FAM110B: variants seen among roughly 807,000 people sequenced by gnomAD.
FAM110B encodes the protein family with sequence similarity 110 member B.
In FAM110B, 6 loss-of-function variants were observed where a neutral mutation model predicts 20.4. The ratio of observed to expected loss-of-function variants is 0.29; its 90% CI spans 0.16 to 0.58. The LOEUF is 0.58. FAM110B is among the 20% of genes least tolerant of loss of function. The probability of loss-of-function intolerance (pLI) is 0.90; values close to 1 mark genes in which losing one functional copy is unlikely to be tolerated. For missense variants in FAM110B, 434 were observed against 498.2 expected, an observed-to-expected ratio of 0.87 and a Z score of 1.23; for synonymous variants, 226 against 214.1, an observed-to-expected ratio of 1.06 and a Z score of -0.49.
chr8:58,062,613 A>G (rs1805679973), intron 2 of FAM110B, among the ~76,000 whole-genome samples: 1 of 152,236 alleles, frequency 6.6e-6, no homozygotes, highest in African/African-American at 2.4e-5. Flanking sequence ...TAGCCAGGAT[A>G]GGCAGACACA....
chr8:58,090,731 A>G (rs1585877541), intron 3 of FAM110B, among the ~76,000 whole-genome samples: 2 of 152,330 alleles, frequency 1.3e-5, no homozygotes, highest in African/African-American at 2.4e-5. Flanking sequence ...TACCCTTCAG[A>G]TAATTCCTTT....
chr8:58,060,847 C>A (rs373806965), intron 2 of FAM110B, among the ~76,000 whole-genome samples: 4 of 152,146 alleles, frequency 2.6e-5, no homozygotes, highest in Non-Finnish European at 5.9e-5. Context: ...CACCTAGGGC[C>A]TCTCAAGCAT....
chr8:58,035,523 A>T (rs1444425068), intron 2 of FAM110B, among the ~76,000 whole-genome samples: 3 of 152,226 alleles, frequency 2.0e-5, no homozygotes. Context: ...TGCATAATTC[A>T]CTGTAAGTCA....
intron 1 of FAM110B, among the ~76,000 whole-genome samples, chr8:58,006,328 G>C (rs1416090082): frequency 1.3e-5 from 2 of 152,176 alleles, no homozygotes; most frequent in African/African-American, 4.8e-5. Flanking sequence ...CTCTTCATCT[G>C]TTCCTCTTTG....
In FAM110B at chr8:58,070,765, TA is replaced by T. The variant is rs200457858; in HGVS notation, c.-413-4769del. On this transcript the variant is annotated intron_variant, in intron 2 of 3. Transcript: ENST00000519262. ...GAATAATGAGCGATCAGGAAGAATTTAGTGAAACACACTCTAATTAGGACAG... is the reference window on the plus strand; with the variant it reads ...GAATAATGAGCGATCAGGAAGAATTTGTGAAACACACTCTAATTAGGACAG... 4.7e-3 allele frequency among the ~76,000 whole-genome samples: 723 copies of T among 152,332 alleles called. 3 individuals are homozygous for T. Among genetic ancestry groups the T allele is most frequent in the African/African-American group, 0.017 (699 of 41,580 alleles).
chr8:58,066,702 T>C (rs1805773854), intron 2 of FAM110B, among the ~76,000 whole-genome samples: 2 of 152,142 alleles, frequency 1.3e-5, no homozygotes, highest in South Asian at 2.1e-4. Flanking sequence ...GGGGTGATCC[T>C]GGTGGCTCCC....
At chr8:58,029,115 C>T (rs578150071) in intron 1 of FAM110B, among the ~76,000 whole-genome samples, 1 of 152,306 alleles carries the variant, frequency 6.6e-6, no homozygotes, top group African/African-American at 2.4e-5. Flanking sequence ...CCCAAGTGCT[C>T]TGCAGTGATT....
At chr8:58,128,548 G>C (rs1807569586) in intron 3 of FAM110B, among the ~76,000 whole-genome samples, 1 of 152,042 alleles carries the variant, frequency 6.6e-6, no homozygotes. Flanking sequence ...GGAAACATTT[G>C]ATAGATACTT....
chr8:58,119,661 G>T (rs1807304822), intron 3 of FAM110B, among the ~76,000 whole-genome samples: 1 of 152,124 alleles, frequency 6.6e-6, no homozygotes, highest in Non-Finnish European at 1.5e-5. Flanking sequence ...AATCACTGTA[G>T]GATATATCCA....
intron 1 of FAM110B, among the ~76,000 whole-genome samples, chr8:58,001,110 A>G (rs1804286056): frequency 6.6e-6 from 1 of 152,138 alleles, no homozygotes; most frequent in African/African-American, 2.4e-5. Context: ...TTTTGCGGGG[A>G]TAGACTGCCT....
intron 1 of FAM110B, among the ~76,000 whole-genome samples, chr8:58,026,173 A>T (rs1804852189): frequency 6.6e-6 from 1 of 152,210 alleles, no homozygotes; most frequent in Non-Finnish European, 1.5e-5. Flanking sequence ...AATGCTTCTG[A>T]TAGTGCACCC....
chr8:58,146,205 C>T lies in FAM110B; in HGVS notation c.-26C>T. 2 of 1,568,758 alleles carry T rather than the reference C, an allele frequency of 1.3e-6. No homozygotes were observed. Among genetic ancestry groups the T allele is most frequent in the Non-Finnish European group, 1.7e-6 (2 of 1,155,188 alleles). ...GAGGCGCCCAGAAGAGCATCCAACA[C>T]GGCTGCCGGGGAAAGACCGCCCACC... On this transcript the variant is annotated 5_prime_UTR_variant, in exon 4 of 4. The change creates a new upstream start codon in the 5' untranslated region. Coordinates refer to ENST00000519262, the MANE Select transcript of FAM110B (RefSeq NM_001377989.1).
intron 3 of FAM110B, among the ~76,000 whole-genome samples, chr8:58,136,424 A>G (rs571985497): frequency 2.6e-5 from 4 of 152,162 alleles, no homozygotes; most frequent in Non-Finnish European, 5.9e-5. Context: ...CATTGTCACA[A>G]CTGAGCATGA....
chr8:58,079,653 C>T (rs564022551), intron 3 of FAM110B, among the ~76,000 whole-genome samples: 15 of 152,060 alleles, frequency 9.9e-5, no homozygotes, highest in East Asian at 3.9e-4. Flanking sequence ...TTGTGGCATG[C>T]GCCTGTAGTT....
intron 2 of FAM110B, among the ~76,000 whole-genome samples, chr8:58,045,515 C>T (rs138789908): frequency 3.4e-4 from 52 of 152,252 alleles, no homozygotes; most frequent in Non-Finnish European, 7.2e-4. Context: ...TATGTGATGT[C>T]TTCTAATGAC....
At chr8:58,140,881 A>C (rs1803730821) in intron 3 of FAM110B, among the ~76,000 whole-genome samples, 1 of 152,064 alleles carries the variant, frequency 6.6e-6, no homozygotes, top group African/African-American at 2.4e-5. Context: ...TATTTTCTAC[A>C]TCATTCATTC....
intron 1 of FAM110B, among the ~76,000 whole-genome samples, chr8:58,015,677 C>A (rs187357277): frequency 1.3e-5 from 2 of 151,818 alleles, no homozygotes; most frequent in African/African-American, 4.8e-5. Flanking sequence ...GAAACCCCGT[C>A]TCTACTAAAA....
chr8:58,096,058 C>T (rs1240148119), intron 3 of FAM110B, among the ~76,000 whole-genome samples: 1 of 152,148 alleles, frequency 6.6e-6, no homozygotes, highest in African/African-American at 2.4e-5. Flanking sequence ...ACTAGGATTG[C>T]AACCCCTGCT....
At chr8:58,142,978 C>A (rs1803774829) in intron 3 of FAM110B, among the ~76,000 whole-genome samples, 1 of 152,210 alleles carries the variant, frequency 6.6e-6, no homozygotes, top group African/African-American at 2.4e-5. Flanking sequence ...AAGGCCACAG[C>A]CAGTAGAGTA....
Sources: gnomAD v4.1 joint callset for allele counts (sites outside exome capture counted in the v4.1 genomes callset) on GRCh38, gnomAD v4.1.1 for gene constraint, MANE v1.5 for transcripts, NCBI Gene and HGNC (gene_info 2026-07-23, HGNC 2026-07-21) for gene names.